Variants in MTMR8 observed in about 807,000 individuals in gnomAD.
MTMR8 encodes the protein myotubularin related protein 8.
MTMR8 carries 65 observed loss-of-function variants against 39.3 expected under a neutral mutation model. The observed-to-expected ratio is 1.65, with a 90% CI of 1.35 to 2.03. The LOEUF (loss-of-function observed/expected upper bound fraction) is 2.03. Ranked by LOEUF, MTMR8 falls within the 30% of genes most tolerant of loss-of-function variation. The probability of loss-of-function intolerance (pLI) is 0.00; values close to 1 mark genes in which losing one functional copy is unlikely to be tolerated. For missense variants in MTMR8, 777 were observed against 538.9 expected (o/e 1.44, Z -4.37); for synonymous variants, 245 against 185.2 (o/e 1.32, Z -2.62).
chrX:64,384,551 C>T (rs1230396821), intron 1 of MTMR8, among the ~76,000 whole-genome samples: 1 of 112,344 alleles, frequency 8.9e-6, no homozygotes, highest in Non-Finnish European at 1.9e-5. Flanking sequence ...GGCAGAGGCC[C>T]CCAAGCTTCC....
intron 12 of MTMR8, among the ~76,000 whole-genome samples, chrX:64,287,062 C>A (rs1401890766): frequency 9.0e-6 from 1 of 111,603 alleles, no homozygotes; most frequent in East Asian, 2.8e-4. Flanking sequence ...ATCTAGAAAA[C>A]CCCATTGTCT....
intron 12 of MTMR8, among the ~76,000 whole-genome samples, chrX:64,324,897 A>G (rs1922751287): frequency 9.1e-6 from 1 of 109,717 alleles, no homozygotes; most frequent in Non-Finnish European, 1.9e-5. Flanking sequence ...GAAAAGATAA[A>G]CAAAATTGAG....
At chrX:64,349,898 CA>C in intron 5 of MTMR8, 43 bp downstream of exon 5, 1 of 1,060,959 alleles carries the variant, frequency 9.4e-7, no homozygotes, top group Non-Finnish European at 1.2e-6. Flanking sequence ...ACAGGTCTTC[CA>C]GAGCCATGTT....
intron 1 of MTMR8, among the ~76,000 whole-genome samples, chrX:64,361,215 A>T (rs374026045): frequency 9.0e-6 from 1 of 111,672 alleles, no homozygotes; most frequent in East Asian, 2.8e-4. Context: ...ATTTTCCCTA[A>T]CAAAACCCTC....
intron 6 of MTMR8, among the ~76,000 whole-genome samples, chrX:64,346,122 A>T (rs1229768610): frequency 9.0e-6 from 1 of 111,533 alleles, no homozygotes; most frequent in Non-Finnish European, 1.9e-5. Context: ...TATGAATATA[A>T]TAACCAGAAG....
At chrX:64,350,880 C>A (rs1923470736) in intron 4 of MTMR8, among the ~76,000 whole-genome samples, 1 of 111,415 alleles carries the variant, frequency 9.0e-6, no homozygotes, top group Non-Finnish European at 1.9e-5. Flanking sequence ...AAAATTAATT[C>A]TAATCACTCC....
rs181990442 is a variant in MTMR8 at position 64,317,621 on chromosome X, G to A, written c.1481+11151C>T. 2.8e-3 allele frequency among the ~76,000 whole-genome samples: 311 copies of A among 111,832 alleles called. 1 individual carries two copies. The highest frequency in any genetic ancestry group is 4.7e-3 in the Non-Finnish European group (248 of 53,152). On this transcript the variant is annotated intron_variant, in intron 12 of 13. Coordinates refer to ENST00000374852, the MANE Select transcript of MTMR8 (RefSeq NM_017677.4). ...GTTTGCAATTGTTTCTTGAGGCATC[G>A]TAATGATGGCATCCATTGACTGCCT...
chrX:64,377,786 CG>C (rs1415055792), intron 1 of MTMR8, among the ~76,000 whole-genome samples: 5 of 111,697 alleles, frequency 4.5e-5, no homozygotes, highest in African/African-American at 1.6e-4. Flanking sequence ...AGATTTGGGA[CG>C]GGCCAGGGTG....
intron 10 of MTMR8, 58 bp from the exon 11 acceptor site, chrX:64,331,815 T>C (rs1922950177): frequency 2.0e-6 from 2 of 1,003,623 alleles, no homozygotes; most frequent in East Asian, 6.3e-5. Context: ...GATTACACTG[T>C]TGGGAATAGG....
chrX:64,351,919 A>G (rs1322093442), intron 4 of MTMR8, among the ~76,000 whole-genome samples: 1 of 110,757 alleles, frequency 9.0e-6, no homozygotes, highest in African/African-American at 3.3e-5. Context: ...CAGTCCACTG[A>G]CTCAAAGGTT....
rs760266794 is a variant in MTMR8, at chrX:64,314,878, C to T, written c.1481+13894G>A. Among the ~76,000 whole-genome samples the T allele has an allele frequency of 9.8e-4, 109 of 111,249 alleles. 1 individual carries two copies. In the Admixed American group the frequency reaches 0.01, roughly 11 times the overall value. On this transcript the variant is annotated intron_variant, in intron 12 of 13. Transcript: ENST00000374852. ...CCAGCTCAGAAGCTATGATGCAGAC[C>T]CCCAGGGTACCAAGACTGCACTGCA...
At chrX:64,317,201 G>C (rs1181051919) in intron 12 of MTMR8, among the ~76,000 whole-genome samples, 1 of 109,637 alleles carries the variant, frequency 9.1e-6, no homozygotes, top group African/African-American at 3.3e-5. Flanking sequence ...TATCCTGTTT[G>C]ATGTTCACTC....
intron 2 of MTMR8, among the ~76,000 whole-genome samples, chrX:64,357,635 C>T (rs189194768): frequency 9.0e-6 from 1 of 110,598 alleles, no homozygotes; most frequent in East Asian, 2.9e-4. Context: ...GCTTTGTTGC[C>T]CAAGCTGGTC....
chrX:64,289,636 C>CAAAAAAAAAAAAAA lies in MTMR8; in HGVS notation c.1482-18577_1482-18564dup, dbSNP rs749879321. 9.3e-3 allele frequency among the ~76,000 whole-genome samples: 246 copies of CAAAAAAAAAAAAAA among 26,340 alleles called. 21 individuals are homozygous for CAAAAAAAAAAAAAA. The highest frequency in any genetic ancestry group is 0.025 in the African/African-American group (238 of 9,677). The allele number at this position is 26,340 out of a possible 115,157, so 22.9% of individuals were successfully genotyped here. On this transcript the variant is annotated intron_variant, in intron 12 of 13. Coordinates refer to ENST00000374852, the MANE Select transcript of MTMR8 (RefSeq NM_017677.4). ...TGGGTGACAGAGTGAGACTCCATCG[C>CAAAAAAAAAAAAAA]AAAAAAAAAAAAAAAAAAAAAAAAA...
rs150927895 is a variant in MTMR8 at position 64,307,633 on chromosome X, C to T, written c.1481+21139G>A. 7.4e-3 allele frequency among the ~76,000 whole-genome samples: 821 copies of T among 111,269 alleles called. 10 individuals carry two copies. Among genetic ancestry groups the T allele is most frequent in the African/African-American group, 0.025 (777 of 30,582 alleles). On this transcript the variant is annotated intron_variant, in intron 12 of 13. Coordinates refer to ENST00000374852, the MANE Select transcript of MTMR8 (RefSeq NM_017677.4). ...TGTCTTGAAATTGAGTATAATGGTT[C>T]CTCCCACCTTATACTTCTTTGTCAA...
chrX:64,329,622 C>A (rs1922891132), intron 11 of MTMR8, among the ~76,000 whole-genome samples: 1 of 111,224 alleles, frequency 9.0e-6, no homozygotes, highest in African/African-American at 3.3e-5. Context: ...AAGAGAGTTA[C>A]TGTATAACCA....
chrX:64,354,871 C>T lies in MTMR8; in HGVS notation c.374G>A (p.Ser125Asn). Reference sequence around the variant, plus strand: ...TATTGGGTCAATCAGTTTCCATCCACTTTCCCTCATCTCTTTTGAGGATTT... The same window carrying T: ...TATTGGGTCAATCAGTTTCCATCCATTTTCCCTCATCTCTTTTGAGGATTT... Reference protein sequence around the residue: ...NPKSSKEMRESGWKLIDPISD... With the variant: ...NPKSSKEMRENGWKLIDPISD... Residue 125 changes from serine to asparagine, a missense_variant, in exon 4 of 14, where the codon AGT becomes AAT. Transcript: ENST00000374852. 1 of 1,206,386 alleles carries T rather than the reference C, an allele frequency of 8.3e-7. No homozygotes were observed. The highest frequency in any genetic ancestry group is 3.0e-5 in the East Asian group (1 of 33,596).
chrX:64,284,559 A>C (rs1039373833), intron 12 of MTMR8, among the ~76,000 whole-genome samples: 2 of 111,822 alleles, frequency 1.8e-5, no homozygotes, highest in African/African-American at 3.3e-5. Flanking sequence ...AAAAAATGTT[A>C]AGGGCAGCCA....
intron 12 of MTMR8, 138 bp downstream of exon 12, chrX:64,328,634 T>A: frequency 9.5e-6 from 5 of 524,394 alleles, no homozygotes; most frequent in Non-Finnish European, 1.3e-5. Context: ...GAAGCAGCAA[T>A]GTATGGGTGA....
Sources: allele counts gnomAD v4.1 joint callset (sites outside exome capture counted in the v4.1 genomes callset), GRCh38; gene constraint gnomAD v4.1.1; transcripts MANE v1.5; gene names NCBI Gene and HGNC (gene_info 2026-07-23, HGNC 2026-07-21).